The following CLYBL variants were observed in gnomAD, a reference collection of about 807,000 sequenced individuals.
The protein encoded by CLYBL is citramalyl-CoA lyase, mitochondrial.
In CLYBL, 31 loss-of-function variants were observed where a neutral mutation model predicts 38.9. The ratio of observed to expected loss-of-function variants is 0.80; its 90% CI spans 0.60 to 1.08. The LOEUF is 1.08. CLYBL is among the 50% of genes least tolerant of loss of function. The probability of loss-of-function intolerance (pLI) is 0.00; values close to 1 mark genes in which losing one functional copy is unlikely to be tolerated. For synonymous variants in CLYBL, 171 were observed against 158.6 expected (o/e 1.08, Z -0.59); for missense variants, 434 against 411.6 (o/e 1.05, Z -0.47).
At chr13:99,884,839 A>G (rs2052306100) in intron 7 of CLYBL, 1 of 399,392 alleles carries the variant, frequency 2.5e-6, no homozygotes, top group Non-Finnish European at 5.1e-6. Flanking sequence ...TGCACATTCC[A>G]GGTGACTTAA....
intron 1 of CLYBL, among the ~76,000 whole-genome samples, chr13:99,645,351 A>G (rs934148254): frequency 5.3e-5 from 8 of 152,210 alleles, no homozygotes; most frequent in African/African-American, 1.9e-4. Context: ...ACAAAAACTT[A>G]GCTGGGCGTG....
At chr13:99,698,229 G>A (rs11618807) in intron 1 of CLYBL, among the ~76,000 whole-genome samples, 1 of 151,980 alleles carries the variant, frequency 6.6e-6, no homozygotes, top group Non-Finnish European at 1.5e-5. Flanking sequence ...CTGTCTCTCA[G>A]GCTGGAGTGC....
Position 99,876,091 on chromosome 13 carries a change from T to TTA in CLYBL, c.927+5029_927+5030insTA, listed in dbSNP as rs59436278. On this transcript the variant is annotated intron_variant, in intron 7 of 8. Transcript: ENST00000339105. ...TCACTTTTTTTTTTTTTTTTTTTTT[T>TTA]AGTGGCAAATGGCTGGTTTGGTATT... Among the ~76,000 whole-genome samples the TTA allele has an allele frequency of 8.3e-4, 123 of 149,060 alleles. 2 individuals carry two copies. The highest frequency in any genetic ancestry group is 2.7e-3 in the African/African-American group (111 of 40,652).
At chr13:99,748,672 C>T (rs1205745958) in intron 1 of CLYBL, among the ~76,000 whole-genome samples, 1 of 151,492 alleles carries the variant, frequency 6.6e-6, no homozygotes, top group Non-Finnish European at 1.5e-5. Context: ...AACTCCTGAC[C>T]TCATGATTCA....
intron 2 of CLYBL, among the ~76,000 whole-genome samples, chr13:99,775,896 G>A (rs2049502439): frequency 6.6e-6 from 1 of 152,042 alleles, no homozygotes; most frequent in Admixed American, 6.5e-5. Context: ...GGGCACGGTG[G>A]CTCACACCTG....
intron 1 of CLYBL, among the ~76,000 whole-genome samples, chr13:99,674,000 G>A (rs529648018): frequency 1.3e-5 from 2 of 152,166 alleles, no homozygotes; most frequent in African/African-American, 4.8e-5. Flanking sequence ...GTGACTGGAG[G>A]GAAAGAGTGG....
intron 1 of CLYBL, among the ~76,000 whole-genome samples, chr13:99,612,576 C>T (rs531381313): frequency 2.6e-5 from 4 of 151,778 alleles, no homozygotes; most frequent in South Asian, 2.1e-4. Flanking sequence ...TTTGGAGAGA[C>T]GGGGTTTCGC....
intron 2 of CLYBL, among the ~76,000 whole-genome samples, chr13:99,847,327 T>G (rs1213045388): frequency 6.6e-6 from 1 of 152,228 alleles, no homozygotes; most frequent in Non-Finnish European, 1.5e-5. Flanking sequence ...TACGAGGTCC[T>G]TTGATGACAC....
intron 1 of CLYBL, among the ~76,000 whole-genome samples, chr13:99,623,572 ATTTC>A (rs1487994916): frequency 6.6e-6 from 1 of 152,022 alleles, no homozygotes; most frequent in African/African-American, 2.4e-5. Context: ...TTTATTTATT[ATTTC>A]TTTATTTATT....
At chr13:99,845,760 G>A (rs1363587081) in intron 2 of CLYBL, among the ~76,000 whole-genome samples, 1 of 152,088 alleles carries the variant, frequency 6.6e-6, no homozygotes, top group Non-Finnish European at 1.5e-5. Flanking sequence ...TTGCTGGGGG[G>A]CCCTTAGCTG....
chr13:99,743,267 G>T (rs537960821), intron 1 of CLYBL, among the ~76,000 whole-genome samples: 1 of 152,156 alleles, frequency 6.6e-6, no homozygotes, highest in South Asian at 2.1e-4. Context: ...CAGGGCAATT[G>T]TAACCGCGAA....
At chr13:99,614,418 G>A (rs2046676012) in intron 1 of CLYBL, among the ~76,000 whole-genome samples, 1 of 152,202 alleles carries the variant, frequency 6.6e-6, no homozygotes, top group Non-Finnish European at 1.5e-5. Context: ...GAGTAGCCTA[G>A]GGGTAGGGGA....
At chr13:99,838,341 A>T (rs1186258704) in intron 2 of CLYBL, among the ~76,000 whole-genome samples, 1 of 152,130 alleles carries the variant, frequency 6.6e-6, no homozygotes, top group African/African-American at 2.4e-5. Flanking sequence ...TGTTTGGAGG[A>T]GGGGGGTTCT....
At position 99,776,000 on chromosome 13, in the gene CLYBL, A is replaced by G. The variant is rs1173337271; in HGVS notation, c.249+2990A>G. ...AACATGGTGAAACCCCATCTCTACT[A>G]AAAAATACAAAAAATTAGCTGGGCG... On this transcript the variant is annotated intron_variant, in intron 2 of 8. Coordinates refer to ENST00000339105, the MANE Select transcript of CLYBL (RefSeq NM_206808.5). Among the ~76,000 whole-genome samples the G allele has an allele frequency of 6.0e-5, 9 of 150,962 alleles. No individual in the cohort carries two copies. The South Asian group carries it at 1.3e-3, about 21-fold the overall frequency.
chr13:99,857,291 G>T (rs1384070736), intron 2 of CLYBL, among the ~76,000 whole-genome samples: 1 of 152,054 alleles, frequency 6.6e-6, no homozygotes, highest in African/African-American at 2.4e-5. Context: ...CTCCAGCCTG[G>T]GTGACAGAGT....
rs191899436 is a variant in CLYBL at position 99,886,359 on chromosome 13, G to A, written c.928-4959G>A. Among the ~76,000 whole-genome samples, 26 of 152,320 alleles carry A rather than the reference G, an allele frequency of 1.7e-4. No homozygotes were observed. In the East Asian group the frequency reaches 4.2e-3, roughly 25 times the overall value. On this transcript the variant is annotated intron_variant, in intron 7 of 8. Transcript: ENST00000339105. ...TAGATGTGATTACTATTGTCATCAC[G>A]CCATCATCATCACCTTCACCATCAA...
At position 99,876,143 on chromosome 13, in the gene CLYBL, C is replaced by T. The variant is rs118084730; in HGVS notation, c.927+5081C>T. ...GAAGATAAGAGTGTTTTTAATAGGC[C>T]GGGTGCAGTGGTTCACACCTGTAAT... On this transcript the variant is annotated intron_variant, in intron 7 of 8. Coordinates refer to ENST00000339105, the MANE Select transcript of CLYBL (RefSeq NM_206808.5). Among the ~76,000 whole-genome samples, 1,065 of 141,556 alleles carry T rather than the reference C, an allele frequency of 7.5e-3. 10 individuals are homozygous for T. Among genetic ancestry groups the T allele is most frequent in the Non-Finnish European group, 0.013 (889 of 66,494 alleles). 92.9% of individuals were successfully genotyped at this position (141,556 alleles called of 152,430 possible).
At chr13:99,719,345 T>C (rs559116410) in intron 1 of CLYBL, among the ~76,000 whole-genome samples, 2 of 150,728 alleles carry the variant, frequency 1.3e-5, no homozygotes, top group South Asian at 2.1e-4. Context: ...TGAGATGGAG[T>C]CTTGCTGTGT....
At chr13:99,824,292 A>G (rs748907684) in intron 2 of CLYBL, among the ~76,000 whole-genome samples, 3 of 105,116 alleles carry the variant, frequency 2.9e-5, no homozygotes, top group Non-Finnish European at 5.1e-5. Context: ...TCCTTTTGTG[A>G]ATTGGTTTGA....
Sources: gnomAD v4.1 joint callset for allele counts (sites outside exome capture counted in the v4.1 genomes callset) on GRCh38, gnomAD v4.1.1 for gene constraint, MANE v1.5 for transcripts, NCBI Gene and HGNC (gene_info 2026-07-23, HGNC 2026-07-21) for gene names.